The following SART3 variants were observed in gnomAD, a reference collection of about 807,000 sequenced individuals.
SART3 encodes the protein HIV-1 Tat-interacting protein of 110kDa.
In SART3, 44 loss-of-function variants were observed where a neutral mutation model predicts 122.3. That is an observed-to-expected ratio of 0.36 (90% CI 0.28 to 0.46). The LOEUF (loss-of-function observed/expected upper bound fraction) is 0.46, where lower values mean the gene tolerates loss of function less well. Among genes scored for constraint, SART3 ranks in the 20% least tolerant of loss-of-function variants. The pLI is 1.00. For synonymous variants in SART3, 442 were observed against 454.0 expected (o/e 0.97, Z 0.34); for missense variants, 1,101 against 1,229.0 (o/e 0.90, Z 1.56).
intron 1 of SART3, among the ~76,000 whole-genome samples, chr12:108,553,153 A>C (rs1398780629): frequency 4.6e-5 from 7 of 152,220 alleles, no homozygotes; most frequent in Non-Finnish European, 1.0e-4. Flanking sequence ...ACCTTGACCT[A>C]AACTTCACGC....
At chr12:108,538,232 A>G in intron 7 of SART3, 29 bp from the exon 8 acceptor site, 1 of 1,612,964 alleles carries the variant, frequency 6.2e-7, no homozygotes, top group Non-Finnish European at 8.5e-7. Context: ...GAGTTAGGAA[A>G]TTACACTTTA....
Position 108,543,021 on chromosome 12 carries a change from C to T in SART3, c.906+7G>A. 1 of 1,614,226 alleles carries T rather than the reference C, an allele frequency of 6.2e-7. No homozygotes were observed. The highest frequency in any genetic ancestry group is 1.3e-5 in the African/African-American group (1 of 75,068). On this transcript the variant is annotated splice_region_variant and intron_variant, in intron 6 of 18. Coordinates refer to ENST00000546815, the MANE Select transcript of SART3 (RefSeq NM_014706.4). ...AGACGTTTACTATAAAAGAAGCCAA[C>T]ACTTACCAGTGCTTCTTCATAGGGT...
intron 14 of SART3, among the ~76,000 whole-genome samples, chr12:108,530,844 C>T (rs950274221): frequency 1.3e-5 from 2 of 150,564 alleles, no homozygotes; most frequent in East Asian, 2.0e-4. Flanking sequence ...GGCAACAGAG[C>T]GAGACTCCGT....
intron 3 of SART3, among the ~76,000 whole-genome samples, chr12:108,546,651 G>C (rs1873435231): frequency 6.6e-6 from 1 of 151,780 alleles, no homozygotes. Context: ...CACCTGAGTA[G>C]CTGGGATTAC....
At position 108,526,327 on chromosome 12, in the gene SART3, G is replaced by A. The variant is rs1356294877; in HGVS notation, c.2142C>T (p.Ser714=). 1.9e-6 allele frequency: 3 copies of A among 1,614,012 alleles called. No homozygotes were observed. The highest frequency in any genetic ancestry group is 2.5e-6 in the Non-Finnish European group (3 of 1,179,974). Residue 714 remains serine (S), a synonymous_variant, in exon 16 of 19, where the codon AGC becomes AGT. Coordinates refer to ENST00000546815, the MANE Select transcript of SART3 (RefSeq NM_014706.4). ...TGAGCTTCGTGTCCGGCTCCTGCAT[G>A]CTGTAGGGCAGGTTGCTGACAAAGA... ...ITVFVSNLPY[S]MQEPDTKLRP...
intron 1 of SART3, among the ~76,000 whole-genome samples, chr12:108,550,881 T>TA (rs1166675274): frequency 6.6e-6 from 1 of 151,872 alleles, no homozygotes; most frequent in Non-Finnish European, 1.5e-5. Flanking sequence ...GATGAAAATC[T>TA]AAAAAATATT....
At chr12:108,523,949 G>GAA in intron 18 of SART3, 1 of 560,012 alleles carries the variant, frequency 1.8e-6, no homozygotes, top group Non-Finnish European at 3.2e-6. Flanking sequence ...CCAAACCAGC[G>GAA]AACAGCACAG....
At chr12:108,553,162 G>A (rs540055645) in intron 1 of SART3, among the ~76,000 whole-genome samples, 183 of 152,212 alleles carry the variant, frequency 1.2e-3, no homozygotes, top group Admixed American at 2.1e-3. Context: ...TAAACTTCAC[G>A]CCTTACAGAA....
intron 1 of SART3, among the ~76,000 whole-genome samples, chr12:108,550,974 T>C (rs1295490218): frequency 6.6e-6 from 1 of 152,194 alleles, no homozygotes; most frequent in East Asian, 1.9e-4. Context: ...AACGGCAGGC[T>C]TTGGTCTGAA....
At chr12:108,523,949 G>C in intron 18 of SART3, 1 of 560,012 alleles carries the variant, frequency 1.8e-6, no homozygotes, top group South Asian at 2.1e-5. Context: ...CCAAACCAGC[G>C]AACAGCACAG....
chr12:108,556,684 A>G (rs1341593682), intron 1 of SART3, among the ~76,000 whole-genome samples: 1 of 152,230 alleles, frequency 6.6e-6, no homozygotes, highest in Admixed American at 6.5e-5. Flanking sequence ...CTGGTTCTTA[A>G]ATGGGCTATC....
At chr12:108,524,586 C>A in intron 17 of SART3, 80 bp from the exon 18 acceptor site, 2 of 1,382,728 alleles carry the variant, frequency 1.4e-6, no homozygotes, top group Non-Finnish European at 2.0e-6. Context: ...AGGCACTGGG[C>A]TTCCTCCCGG....
At position 108,558,663 on chromosome 12, in the gene SART3, C is replaced by T. The variant is rs147781240; in HGVS notation, c.312+2180G>A. 2.2e-3 allele frequency among the ~76,000 whole-genome samples: 332 copies of T among 152,318 alleles called. 1 individual carries two copies. Among genetic ancestry groups the T allele is most frequent in the African/African-American group, 7.7e-3 (320 of 41,576 alleles). On this transcript the variant is annotated intron_variant, in intron 1 of 18. Coordinates refer to ENST00000546815, the MANE Select transcript of SART3 (RefSeq NM_014706.4). Reference sequence around the variant, plus strand: ...GAAATGACATCAACAAGGGCAGGGACACAGTCAATCTGGTACCCAGTGTCA... The same window carrying T: ...GAAATGACATCAACAAGGGCAGGGATACAGTCAATCTGGTACCCAGTGTCA...
At chr12:108,560,741 T>G (rs927052571) in intron 1 of SART3, 102 bp downstream of exon 1, 3 of 1,083,216 alleles carry the variant, frequency 2.8e-6, no homozygotes, top group African/African-American at 3.2e-5. Context: ...TTTGCAGCCT[T>G]GGCGGCTTTA....
intron 13 of SART3, chr12:108,531,560 C>A (rs1188410815): frequency 1.1e-5 from 4 of 377,712 alleles, no homozygotes; most frequent in Non-Finnish European, 2.0e-5. Flanking sequence ...TGCAAAAGTA[C>A]ATTTATATTA....
At chr12:108,529,447 G>T (rs1205081688) in intron 15 of SART3, among the ~76,000 whole-genome samples, 1 of 152,150 alleles carries the variant, frequency 6.6e-6, no homozygotes, top group African/African-American at 2.4e-5. Context: ...CTGAGTTATG[G>T]AAAGTATAAG....
At chr12:108,525,199 G>A (rs1263641613) in intron 17 of SART3, among the ~76,000 whole-genome samples, 1 of 152,250 alleles carries the variant, frequency 6.6e-6, no homozygotes, top group Non-Finnish European at 1.5e-5. Flanking sequence ...AAGCCCCACA[G>A]CCAGGGGCCA....
In SART3 at chr12:108,538,331, TCAA is replaced by T. The variant is rs755696849; in HGVS notation, c.1063-131_1063-129del. The T allele has an allele frequency of 3.3e-5, 35 of 1,060,532 alleles. 1 individual carries two copies. Among genetic ancestry groups the T allele is most frequent in the South Asian group, 2.9e-4 (21 of 73,206 alleles). The allele number at this position is 1,060,532 out of a possible 1,614,324, so 65.7% of individuals were successfully genotyped here. A position where few individuals can be genotyped will look rare whatever the true frequency, so the allele number is the denominator to read the frequency against. On this transcript the variant is annotated intron_variant, in intron 7 of 18. Coordinates refer to ENST00000546815, the MANE Select transcript of SART3 (RefSeq NM_014706.4). ...AAACATCTCTTGTGACCTGGTTTCC[TCAA>T]CAACAACAAAAAAATCACTAAGGGG... is the stretch of plus-strand genomic sequence containing the variant.
chr12:108,539,919 G>A (rs1938382130), intron 6 of SART3, among the ~76,000 whole-genome samples: 1 of 152,092 alleles, frequency 6.6e-6, no homozygotes, highest in Non-Finnish European at 1.5e-5. Flanking sequence ...CAACAAACTG[G>A]CAAAGAAACA....
Sources: gnomAD v4.1 joint callset for allele counts (sites outside exome capture counted in the v4.1 genomes callset) on GRCh38, gnomAD v4.1.1 for gene constraint, MANE v1.5 for transcripts, NCBI Gene and HGNC (gene_info 2026-07-23, HGNC 2026-07-21) for gene names.